Variants in FUT8 observed in about 807,000 individuals in gnomAD.
FUT8 encodes the protein alpha-(1,6)-fucosyltransferase.
FUT8 carries 29 observed loss-of-function variants against 71.3 expected under a neutral mutation model. The ratio of observed to expected loss-of-function variants is 0.41; its 90% confidence interval spans 0.30 to 0.55. FUT8 has a LOEUF of 0.55. FUT8 is among the 20% of genes least tolerant of loss of function. The pLI is 0.34. For synonymous variants in FUT8, 254 were observed against 239.3 expected, an observed-to-expected ratio of 1.06 and a Z score of -0.57; for missense variants, 544 against 702.1, an observed-to-expected ratio of 0.77 and a Z score of 2.55.
chr14:65,619,355 C>G (rs74765545), intron 5 of FUT8, among the ~76,000 whole-genome samples: 9,386 of 152,090 alleles, frequency 0.062, 636 homozygotes, highest in East Asian at 0.38. Context: ...CCTTTGTTGC[C>G]CACTTGAAGC....
chr14:65,534,524 A>G (rs28830595), intron 2 of FUT8, among the ~76,000 whole-genome samples: 9,127 of 146,376 alleles, frequency 0.062, 485 homozygotes, highest in South Asian at 0.2. Context: ...TAGGCTGTTA[A>G]TCTGTCTGGT....
the FUT8 span, among the ~76,000 whole-genome samples, chr14:65,372,479 G>A: frequency 6.6e-6 from 1 of 150,968 alleles, no homozygotes; most frequent in East Asian, 1.9e-4. Flanking sequence ...GCAGTGGCGC[G>A]ATCTTGGCTC....
intron 2 of FUT8, among the ~76,000 whole-genome samples, chr14:65,500,349 A>G (rs967564313): frequency 6.6e-6 from 1 of 152,008 alleles, no homozygotes; most frequent in Non-Finnish European, 1.5e-5. Flanking sequence ...CGTCGTCATC[A>G]TTGTCGTCAT....
intron 3 of FUT8, among the ~76,000 whole-genome samples, chr14:65,613,890 TCACTTGAGGC>T (rs1454028101): frequency 2.0e-5 from 3 of 152,102 alleles, no homozygotes; most frequent in African/African-American, 7.2e-5. Context: ...GGTGGGCGGA[TCACTTGAGGC>T]CAGGAGTTTT....
intron 2 of FUT8, among the ~76,000 whole-genome samples, chr14:65,535,290 G>A (rs1297289597): frequency 1.3e-5 from 2 of 151,664 alleles, no homozygotes; most frequent in Non-Finnish European, 2.9e-5. Context: ...TAGTAGAGAC[G>A]GGGTTTCACA....
At chr14:65,517,292 T>A (rs149884209) in intron 2 of FUT8, among the ~76,000 whole-genome samples, 2 of 152,282 alleles carry the variant, frequency 1.3e-5, no homozygotes, top group Admixed American at 6.5e-5. Context: ...TTCAGTGTTA[T>A]CAGTGAATAT....
intron 2 of FUT8, among the ~76,000 whole-genome samples, chr14:65,549,233 A>C (rs1316309914): frequency 6.6e-6 from 1 of 152,102 alleles, no homozygotes. Flanking sequence ...TATTTGACCC[A>C]AGTTAGCTGA....
chr14:65,606,052 T>G (rs1258713088), intron 3 of FUT8, among the ~76,000 whole-genome samples: 1 of 150,288 alleles, frequency 6.7e-6, no homozygotes, highest in Non-Finnish European at 1.5e-5. Flanking sequence ...GTCTATTAAT[T>G]TTATTGCACA....
intron 2 of FUT8, among the ~76,000 whole-genome samples, chr14:65,466,318 A>T (rs2066044025): frequency 6.6e-6 from 1 of 152,230 alleles, no homozygotes; most frequent in Admixed American, 6.5e-5. Flanking sequence ...TACTGTATTT[A>T]TAACTGTTTT....
At chr14:65,549,468 G>A (rs1027102238) in intron 2 of FUT8, among the ~76,000 whole-genome samples, 4 of 151,786 alleles carry the variant, frequency 2.6e-5, no homozygotes, top group Non-Finnish European at 5.9e-5. Flanking sequence ...GGTTTTATTT[G>A]TATTTAAAAA....
At chr14:65,739,656 C>T (rs1031428797) in intron 10 of FUT8, among the ~76,000 whole-genome samples, 1 of 151,856 alleles carries the variant, frequency 6.6e-6, no homozygotes, top group Non-Finnish European at 1.5e-5. Flanking sequence ...GTGAAGACAC[C>T]CTGAAAAGAA....
intron 2 of FUT8, among the ~76,000 whole-genome samples, chr14:65,524,198 T>C (rs1287627523): frequency 1.3e-5 from 2 of 152,346 alleles, no homozygotes; most frequent in South Asian, 2.1e-4. Flanking sequence ...ATTCTTCCTA[T>C]CCGTGAGCAT....
At chr14:65,374,879 T>C in the FUT8 span, among the ~76,000 whole-genome samples, 5 of 151,808 alleles carry the variant, frequency 3.3e-5, no homozygotes, top group East Asian at 7.7e-4. Context: ...GGATTACAGG[T>C]GTGAGCCACC....
At chr14:65,527,652 G>A (rs1361956132) in intron 2 of FUT8, among the ~76,000 whole-genome samples, 1 of 152,082 alleles carries the variant, frequency 6.6e-6, no homozygotes, top group Non-Finnish European at 1.5e-5. Context: ...CAACTTTTCT[G>A]CTCTGTTTTT....
chr14:65,507,480 A>G (rs1347703274), intron 2 of FUT8, among the ~76,000 whole-genome samples: 2 of 152,106 alleles, frequency 1.3e-5, no homozygotes, highest in South Asian at 2.1e-4. Context: ...CCCAGCCTCT[A>G]GTAACCATCC....
rs533780666 is a variant in FUT8 at position 65,660,561 on chromosome 14, G to A, written c.598-8682G>A. Among the ~76,000 whole-genome samples the A allele has an allele frequency of 6.6e-6, 1 of 152,144 alleles. No individual in the cohort carries two copies. Among genetic ancestry groups the A allele is most frequent in the African/African-American group, 2.4e-5 (1 of 41,524 alleles). The stretch of plus-strand genomic sequence containing the variant: ...CTTAGATTTTACAGAATACCCATAG[G>A]GAAATTGATTTCCTGAAGCACTTGG... On this transcript the variant is annotated intron_variant, in intron 6 of 10. Coordinates refer to ENST00000673929, the MANE Select transcript of FUT8 (RefSeq NM_001371533.1). The surrounding 1 kb of genome is among the most constrained non-coding windows in gnomAD (Gnocchi z 4.1).
At chr14:65,412,204 G>A, upstream of FUT8, 2 of 456,738 alleles carry the variant, frequency 4.4e-6, no homozygotes, top group Non-Finnish European at 8.8e-6. Context: ...TGAGTCTCCT[G>A]GGGGAGCGAT....
intron 10 of FUT8, among the ~76,000 whole-genome samples, chr14:65,740,267 A>G (rs1256030857): frequency 6.6e-6 from 1 of 152,042 alleles, no homozygotes; most frequent in Admixed American, 6.6e-5. Flanking sequence ...TATCACTAAA[A>G]TTTGCATAAA....
At chr14:65,482,368 T>C (rs2066344473) in intron 2 of FUT8, among the ~76,000 whole-genome samples, 1 of 152,136 alleles carries the variant, frequency 6.6e-6, no homozygotes, top group Non-Finnish European at 1.5e-5. Context: ...AGTTTTAATT[T>C]TAAAGTGACA....
Sources: gnomAD v4.1 joint callset for allele counts (sites outside exome capture counted in the v4.1 genomes callset) on GRCh38, gnomAD v4.1.1 for gene constraint, Gnocchi (gnomAD v3.1) non-coding constraint, MANE v1.5 for transcripts, NCBI Gene and HGNC (gene_info 2026-07-23, HGNC 2026-07-21) for gene names.